AHCYL2: variants seen among roughly 807,000 people sequenced by gnomAD.
The protein encoded by AHCYL2 is S-adenosylhomocysteine hydrolase-like protein 2.
A neutral mutation model predicts 81.4 loss-of-function variants in AHCYL2; 28 were observed. The observed-to-expected ratio is 0.34, with a 90% CI of 0.25 to 0.47. The LOEUF (loss-of-function observed/expected upper bound fraction) is 0.47, where lower values mean the gene tolerates loss of function less well. Ranked by LOEUF, AHCYL2 falls within the 20% of genes least tolerant of loss-of-function variation. AHCYL2 has a pLI of 1.00. For missense variants in AHCYL2, 551 were observed against 785.1 expected (o/e 0.70, Z 3.56); for synonymous variants, 272 against 290.2 (o/e 0.94, Z 0.64).
chr7:129,301,828 A>G (rs528025258), intron 1 of AHCYL2, among the ~76,000 whole-genome samples: 2 of 151,656 alleles, frequency 1.3e-5, no homozygotes, highest in East Asian at 3.9e-4. Context: ...TGCCCATGAT[A>G]GCTTTGACTA....
intron 1 of AHCYL2, among the ~76,000 whole-genome samples, chr7:129,312,627 A>G (rs1483672797): frequency 6.6e-6 from 1 of 152,184 alleles, no homozygotes; most frequent in South Asian, 2.1e-4. Flanking sequence ...CAGGAGGTCA[A>G]TATACAAGAT....
intron 1 of AHCYL2, among the ~76,000 whole-genome samples, chr7:129,292,033 T>C (rs1282926579): frequency 1.3e-5 from 2 of 152,190 alleles, no homozygotes; most frequent in Non-Finnish European, 2.9e-5. Context: ...CAAACAATTA[T>C]GAAGTGTTGA....
intron 2 of AHCYL2, among the ~76,000 whole-genome samples, chr7:129,383,765 C>T (rs150392130): frequency 6.6e-6 from 1 of 152,148 alleles, no homozygotes; most frequent in Non-Finnish European, 1.5e-5. Flanking sequence ...ACGCCATGCA[C>T]TCTCCTGCTT....
intron 1 of AHCYL2, among the ~76,000 whole-genome samples, chr7:129,354,057 G>T (rs982371109): frequency 8.5e-5 from 13 of 152,122 alleles, no homozygotes; most frequent in African/African-American, 2.9e-4. Flanking sequence ...AATTTCAGTG[G>T]ATTGGCAAGA....
intron 12 of AHCYL2, among the ~76,000 whole-genome samples, chr7:129,418,601 C>T (rs1796970063): frequency 6.6e-6 from 1 of 151,882 alleles, no homozygotes; most frequent in Non-Finnish European, 1.5e-5. Context: ...GCCCAGCCGA[C>T]TTAGGTTTTT....
At chr7:129,402,863 A>G (rs762569468) in intron 6 of AHCYL2, among the ~76,000 whole-genome samples, 14 of 152,212 alleles carry the variant, frequency 9.2e-5, no homozygotes, top group South Asian at 6.2e-4. Context: ...GAAAAGGATT[A>G]AGGAATACAG....
At chr7:129,387,674 T>C (rs1428455979) in intron 2 of AHCYL2, among the ~76,000 whole-genome samples, 1 of 152,216 alleles carries the variant, frequency 6.6e-6, no homozygotes, top group Non-Finnish European at 1.5e-5. Flanking sequence ...TATTGATTAG[T>C]AAAACAGATG....
At position 129,368,200 on chromosome 7, in the gene AHCYL2, C is replaced by G; in HGVS notation, c.364-11438C>G. On this transcript the variant is annotated intron_variant, in intron 1 of 16. Transcript: ENST00000325006. This position sits in a 1 kb window ranked among gnomAD's most constrained non-coding sequence, Gnocchi z 4.4. ...GTAGAGTGTTTGGGTAGCATTAAAA[C>G]AGTGAGTGCCCTGTGAGAAGCACAG... 1 of 1,230,930 alleles carries G rather than the reference C, an allele frequency of 8.1e-7. No individual in the cohort carries two copies. Among genetic ancestry groups the G allele is most frequent in the Non-Finnish European group, 1.0e-6 (1 of 980,734 alleles). The allele number at this position is 1,230,930 out of a possible 1,614,324, so 76.3% of individuals were successfully genotyped here. A position where few individuals can be genotyped will look rare whatever the true frequency, so the allele number is the denominator to read the frequency against.
At chr7:129,263,537 C>G (rs1224801159) in intron 1 of AHCYL2, among the ~76,000 whole-genome samples, 1 of 152,100 alleles carries the variant, frequency 6.6e-6, no homozygotes, top group Non-Finnish European at 1.5e-5. Context: ...GACTGTGTTC[C>G]CAGTGACTTG....
At chr7:129,249,814 T>G (rs1025821398) in intron 1 of AHCYL2, among the ~76,000 whole-genome samples, 36 of 152,196 alleles carry the variant, frequency 2.4e-4, no homozygotes, top group African/African-American at 8.4e-4. Flanking sequence ...TCTGGGTACC[T>G]TTTCTTTTTC....
chr7:129,255,279 A>G (rs897184502), intron 1 of AHCYL2, among the ~76,000 whole-genome samples: 3 of 152,166 alleles, frequency 2.0e-5, no homozygotes, highest in Admixed American at 1.3e-4. Context: ...AAAAAAAAGT[A>G]AAAAGAAACA....
intron 1 of AHCYL2, among the ~76,000 whole-genome samples, chr7:129,279,649 C>G (rs1038472388): frequency 4.6e-5 from 7 of 152,142 alleles, no homozygotes; most frequent in Non-Finnish European, 1.0e-4. Flanking sequence ...CAGAGCAGCC[C>G]TGAGTGCTGC....
intron 2 of AHCYL2, among the ~76,000 whole-genome samples, chr7:129,381,568 G>C (rs963465405): frequency 6.6e-6 from 1 of 152,180 alleles, no homozygotes; most frequent in Non-Finnish European, 1.5e-5. Flanking sequence ...ACATCCTGGA[G>C]ATGAAAAAGA....
chr7:129,408,755 TAACCCTGCAGAGCA>T lies in AHCYL2; in HGVS notation c.1296-720_1296-707del, dbSNP rs542110544. On this transcript the variant is annotated intron_variant, in intron 10 of 16. Coordinates refer to ENST00000325006, the MANE Select transcript of AHCYL2 (RefSeq NM_015328.4). ...AAGAATAGAGAAAAGAATAAAGGCA[TAACCCTGCAGAGCA>T]CCAATATCCAAAGGTTGGCTGAAGT... is the stretch of plus-strand genomic sequence containing the variant. 6.9e-3 allele frequency among the ~76,000 whole-genome samples: 1,046 copies of T among 152,252 alleles called. 11 individuals carry two copies. Among genetic ancestry groups the T allele is most frequent in the African/African-American group, 0.023 (957 of 41,546 alleles).
intron 1 of AHCYL2, among the ~76,000 whole-genome samples, chr7:129,308,816 A>G (rs545348120): frequency 2.8e-4 from 42 of 152,252 alleles, no homozygotes; most frequent in African/African-American, 9.4e-4. Context: ...CCTGGGCCAC[A>G]TGATCTGGGC....
intron 1 of AHCYL2, among the ~76,000 whole-genome samples, chr7:129,239,911 A>AC (rs1007917253): frequency 1.8e-4 from 27 of 151,724 alleles, no homozygotes; most frequent in Non-Finnish European, 3.1e-4. Flanking sequence ...ACACACAGAG[A>AC]CCCCATACCC....
intron 1 of AHCYL2, among the ~76,000 whole-genome samples, chr7:129,256,619 A>G (rs548761656): frequency 3.8e-4 from 49 of 128,198 alleles, no homozygotes; most frequent in Non-Finnish European, 7.0e-4. Flanking sequence ...ATTTCATTGT[A>G]TGGATGTACC....
chr7:129,349,344 T>A lies in AHCYL2; in HGVS notation c.364-30294T>A, dbSNP rs1793469238. On this transcript the variant is annotated intron_variant, in intron 1 of 16. Transcript: ENST00000325006. ...GGTTTGTATATACAAATATAAGAAC[T>A]TATGTCAGGCCGGGCATGGTGGCTT... Among the ~76,000 whole-genome samples, 3 of 151,718 alleles carry A rather than the reference T, an allele frequency of 2.0e-5. No homozygotes were observed. In the South Asian group the frequency reaches 6.2e-4, roughly 32 times the overall value.
In AHCYL2 at chr7:129,371,669, C is replaced by A. The variant is rs192057668; in HGVS notation, c.364-7969C>A. ...ATCTTTAGTCCCTTCTGGTAGTAAC[C>A]TCGACTGACATGCATGGAGATCAGC... On this transcript the variant is annotated intron_variant, in intron 1 of 16. Coordinates refer to ENST00000325006, the MANE Select transcript of AHCYL2 (RefSeq NM_015328.4). 1.1e-4 allele frequency among the ~76,000 whole-genome samples: 16 copies of A among 152,238 alleles called. No homozygotes were observed. The East Asian group carries it at 2.1e-3, about 20-fold the overall frequency.
Sources: allele counts gnomAD v4.1 joint callset (sites outside exome capture counted in the v4.1 genomes callset), GRCh38; gene constraint gnomAD v4.1.1; non-coding constraint Gnocchi (gnomAD v3.1); transcripts MANE v1.5; gene names NCBI Gene and HGNC (gene_info 2026-07-23, HGNC 2026-07-21).